Variants in NBEAL1 observed in about 807,000 individuals in gnomAD.
NBEAL1 encodes the protein neurobeachin like 1.
In NBEAL1, 273 loss-of-function variants were observed where a neutral mutation model predicts 351.3. The observed-to-expected ratio is 0.78, with a 90% CI of 0.70 to 0.86. The LOEUF (loss-of-function observed/expected upper bound fraction) is 0.86, where lower values mean the gene tolerates loss of function less well. NBEAL1 is among the 40% of genes least tolerant of loss of function. NBEAL1 has a pLI of 0.00. For missense variants in NBEAL1, 2,961 were observed against 3,201.3 expected, an observed-to-expected ratio of 0.92 and a Z score of 1.81; for synonymous variants, 1,050 against 1,086.4, an observed-to-expected ratio of 0.97 and a Z score of 0.66.
chr2:203,132,689 T>G (rs553460901), intron 26 of NBEAL1, among the ~76,000 whole-genome samples: 1 of 152,244 alleles, frequency 6.6e-6, no homozygotes, highest in Non-Finnish European at 1.5e-5. Context: ...TTTAAATAAT[T>G]TTTTTCAGTA....
At chr2:203,047,065 C>A (rs1234760249) in intron 3 of NBEAL1, among the ~76,000 whole-genome samples, 2 of 152,064 alleles carry the variant, frequency 1.3e-5, no homozygotes, top group African/African-American at 4.8e-5. Flanking sequence ...ATGGAGAAAA[C>A]CCGTCTCTAC....
intron 2 of NBEAL1, among the ~76,000 whole-genome samples, chr2:203,017,726 A>G (rs2060703931): frequency 6.6e-6 from 1 of 152,116 alleles, no homozygotes; most frequent in African/African-American, 2.4e-5. Flanking sequence ...AATAAGTTAC[A>G]TTCTTTTTAG....
At chr2:203,128,387 C>T (rs760018232) in intron 24 of NBEAL1, among the ~76,000 whole-genome samples, 16 of 150,462 alleles carry the variant, frequency 1.1e-4, no homozygotes, top group Non-Finnish European at 2.1e-4. Context: ...GGATTACAGG[C>T]GTGAGCCACC....
chr2:203,218,076 AGT>A lies in NBEAL1; in HGVS notation c.*723_*724del, dbSNP rs2065916689. 1 of 417,834 alleles carries A rather than the reference AGT, an allele frequency of 2.4e-6. No individual in the cohort carries two copies. The highest frequency in any genetic ancestry group is 3.2e-6 in the Non-Finnish European group (1 of 311,468). 25.9% of individuals were successfully genotyped at this position (417,834 alleles called of 1,614,324 possible). A position where few individuals can be genotyped will look rare whatever the true frequency, so the allele number is the denominator to read the frequency against. ...GTGATTTTGACAGTTGGGCCTTTTA[AGT>A]AGCATTTGCAGCACAATTTGCATTT... On this transcript the variant is annotated 3_prime_UTR_variant, in exon 56 of 56. Transcript: ENST00000683969.
Position 203,044,179 on chromosome 2 carries a change from T to C in NBEAL1, c.143+2323T>C, listed in dbSNP as rs1175754741. ...GGATGTGAGTGTACTAAAAAAAGAC[T>C]AGTACTTCGTTATTTATAAATCCAG... On this transcript the variant is annotated intron_variant, in intron 3 of 55. Transcript: ENST00000683969. Among the ~76,000 whole-genome samples, 3 of 152,192 alleles carry C rather than the reference T, an allele frequency of 2.0e-5. No individual in the cohort carries two copies. The East Asian group carries it at 5.8e-4, about 29-fold the overall frequency.
intron 3 of NBEAL1, among the ~76,000 whole-genome samples, chr2:203,042,658 G>A (rs1383914173): frequency 2.0e-5 from 3 of 151,460 alleles, no homozygotes; most frequent in Non-Finnish European, 2.9e-5. Flanking sequence ...CACGATCTTG[G>A]CTCACTATAA....
intron 11 of NBEAL1, among the ~76,000 whole-genome samples, chr2:203,098,685 G>GT (rs1219859495): frequency 6.6e-6 from 1 of 151,950 alleles, no homozygotes. Flanking sequence ...AATTAGGCTA[G>GT]TTTTTATTTT....
chr2:203,213,686 T>C (rs1201584070), intron 55 of NBEAL1, 33 bp downstream of exon 55: 1 of 1,612,820 alleles, frequency 6.2e-7, no homozygotes, highest in Non-Finnish European at 8.5e-7. Context: ...TCATTTCTCA[T>C]GCTGTTGGGG....
chr2:203,141,398 T>C (rs887138536), intron 31 of NBEAL1, among the ~76,000 whole-genome samples: 7 of 130,142 alleles, frequency 5.4e-5, no homozygotes, highest in South Asian at 2.6e-4. Flanking sequence ...TTTTTTTTTT[T>C]CAGATGGAGT....
At chr2:203,033,370 C>T (rs1458299483) in intron 2 of NBEAL1, among the ~76,000 whole-genome samples, 2 of 152,132 alleles carry the variant, frequency 1.3e-5, no homozygotes, top group East Asian at 3.9e-4. Context: ...GGGAAATATA[C>T]ATATATCAGA....
intron 36 of NBEAL1, among the ~76,000 whole-genome samples, chr2:203,162,578 A>T (rs940942106): frequency 6.6e-6 from 1 of 151,446 alleles, no homozygotes; most frequent in Admixed American, 6.6e-5. Flanking sequence ...TTCCATCTCT[A>T]CCAAAAATAC....
At chr2:203,198,955 A>T (rs1359530498) in intron 48 of NBEAL1, among the ~76,000 whole-genome samples, 1 of 151,786 alleles carries the variant, frequency 6.6e-6, no homozygotes, top group East Asian at 1.9e-4. Context: ...TGGGAGGCCG[A>T]GGTGGGAGGC....
intron 45 of NBEAL1, among the ~76,000 whole-genome samples, chr2:203,190,085 G>A (rs1367917093): frequency 1.7e-4 from 25 of 150,132 alleles, no homozygotes; most frequent in Admixed American, 1.7e-3. Flanking sequence ...GCAGTGAGTC[G>A]AGATCATACC....
chr2:203,113,403 T>C (rs1011618096), intron 17 of NBEAL1, 85 bp downstream of exon 17: 1 of 691,274 alleles, frequency 1.4e-6, no homozygotes, highest in African/African-American at 1.8e-5. Flanking sequence ...ATTTAGAATA[T>C]AGAAGAATAT....
intron 6 of NBEAL1, chr2:203,061,711 A>C (rs1156814382): frequency 1.3e-5 from 2 of 159,258 alleles, no homozygotes; most frequent in African/African-American, 4.8e-5. Flanking sequence ...CTAATAATTT[A>C]TCACTTTTAT....
At chr2:203,072,969 C>G (rs547531998) in intron 7 of NBEAL1, among the ~76,000 whole-genome samples, 5 of 152,238 alleles carry the variant, frequency 3.3e-5, no homozygotes, top group South Asian at 2.1e-4. Context: ...GCAGGGTTCT[C>G]TTTTCCTCTG....
chr2:203,095,626 T>C (rs920917196), intron 10 of NBEAL1, among the ~76,000 whole-genome samples: 2 of 152,136 alleles, frequency 1.3e-5, no homozygotes, highest in African/African-American at 4.8e-5. Context: ...TACGGATTGC[T>C]ATATTGCTTT....
At chr2:203,017,159 T>C (rs1346944510) in intron 2 of NBEAL1, among the ~76,000 whole-genome samples, 2 of 152,220 alleles carry the variant, frequency 1.3e-5, no homozygotes, top group Non-Finnish European at 2.9e-5. Flanking sequence ...AGAAGAGTAC[T>C]CCTTAAAAAC....
chr2:203,162,531 T>C (rs1031009748), intron 36 of NBEAL1, among the ~76,000 whole-genome samples: 1 of 151,848 alleles, frequency 6.6e-6, no homozygotes, highest in Non-Finnish European at 1.5e-5. Flanking sequence ...TCACTTGAGC[T>C]CAGGATCTCC....
Sources: gnomAD v4.1 joint callset for allele counts (sites outside exome capture counted in the v4.1 genomes callset) on GRCh38, gnomAD v4.1.1 for gene constraint, MANE v1.5 for transcripts, NCBI Gene and HGNC (gene_info 2026-07-23, HGNC 2026-07-21) for gene names.